ZNF385D: variants seen among roughly 807,000 people sequenced by gnomAD.
ZNF385D encodes zinc finger protein 659.
Under a neutral mutation model 35.8 loss-of-function variants are expected in ZNF385D, and 15 were observed. That is an observed-to-expected ratio of 0.42 (90% CI 0.28 to 0.64). The LOEUF (loss-of-function observed/expected upper bound fraction) is 0.64. ZNF385D is among the 30% of genes least tolerant of loss of function. The pLI is 0.23. For synonymous variants in ZNF385D, 212 were observed against 186.8 expected, an observed-to-expected ratio of 1.13 and a Z score of -1.10; for missense variants, 474 against 494.6, an observed-to-expected ratio of 0.96 and a Z score of 0.39.
chr3:21,649,730 G>C (rs1357973699), intron 2 of ZNF385D, among the ~76,000 whole-genome samples: 1 of 152,060 alleles, frequency 6.6e-6, no homozygotes, highest in Non-Finnish European at 1.5e-5. Context: ...CAAAAGGATA[G>C]GCTAGAATTT....
At chr3:21,639,316 G>A (rs1247742801) in intron 2 of ZNF385D, among the ~76,000 whole-genome samples, 1 of 151,966 alleles carries the variant, frequency 6.6e-6, no homozygotes, top group Admixed American at 6.6e-5. Context: ...AAGCAAGAAT[G>A]TTTGTGTTTT....
At chr3:21,851,087 C>G (rs78494946) in intron 3 of ZNF385D, among the ~76,000 whole-genome samples, 5,836 of 142,872 alleles carry the variant, frequency 0.041, 387 homozygotes, top group African/African-American at 0.14. Flanking sequence ...AATATTATTA[C>G]CATGTTTAAA....
intron 2 of ZNF385D, among the ~76,000 whole-genome samples, chr3:21,581,170 T>C (rs2063649386): frequency 6.6e-6 from 1 of 152,190 alleles, no homozygotes; most frequent in African/African-American, 2.4e-5. Flanking sequence ...GCCCCAGACA[T>C]TTTGCTGCAA....
intron 1 of ZNF385D, among the ~76,000 whole-genome samples, chr3:21,737,086 C>A (rs899666566): frequency 3.9e-5 from 6 of 152,124 alleles, no homozygotes; most frequent in African/African-American, 1.2e-4. Flanking sequence ...ATAACAGGCG[C>A]TTGCCACCAC....
intron 3 of ZNF385D, among the ~76,000 whole-genome samples, chr3:22,017,641 G>A (rs975462998): frequency 6.6e-6 from 1 of 151,548 alleles, no homozygotes; most frequent in Non-Finnish European, 1.5e-5. Flanking sequence ...ATAAATAAAT[G>A]TATTCATCAT....
chr3:22,191,918 A>AT (rs35585720), intron 2 of ZNF385D, among the ~76,000 whole-genome samples: 94,403 of 151,974 alleles, frequency 0.62, 31,460 homozygotes, highest in African/African-American at 0.87. Flanking sequence ...CTATAAAAAA[A>AT]CAATGGTAAT....
chr3:21,900,160 A>C (rs1699327759), intron 3 of ZNF385D, among the ~76,000 whole-genome samples: 1 of 152,196 alleles, frequency 6.6e-6, no homozygotes, highest in Non-Finnish European at 1.5e-5. Context: ...AACAACCATG[A>C]GATACTTTCT....
chr3:21,886,293 A>G (rs1318648646), intron 3 of ZNF385D, among the ~76,000 whole-genome samples: 1 of 151,960 alleles, frequency 6.6e-6, no homozygotes, highest in Non-Finnish European at 1.5e-5. Context: ...CATAGTATAG[A>G]TGTGTCTTGT....
intron 2 of ZNF385D, among the ~76,000 whole-genome samples, chr3:22,334,464 G>T (rs1367474237): frequency 1.3e-5 from 2 of 151,998 alleles, no homozygotes; most frequent in East Asian, 3.9e-4. Context: ...TTAATTAAAT[G>T]TACCCACACT....
intron 3 of ZNF385D, among the ~76,000 whole-genome samples, chr3:21,866,827 G>A (rs1280941619): frequency 1.3e-5 from 2 of 152,128 alleles, no homozygotes; most frequent in African/African-American, 4.8e-5. Context: ...TCATCAGGTA[G>A]TGATTAAAAT....
At chr3:21,517,502 T>C (rs1352887163) in intron 3 of ZNF385D, among the ~76,000 whole-genome samples, 1 of 152,200 alleles carries the variant, frequency 6.6e-6, no homozygotes, top group African/African-American at 2.4e-5. Flanking sequence ...TTTTTTCTTA[T>C]TACTGTCTGT....
intron 2 of ZNF385D, among the ~76,000 whole-genome samples, chr3:22,208,130 C>T (rs1697276085): frequency 6.6e-6 from 1 of 151,898 alleles, no homozygotes; most frequent in African/African-American, 2.4e-5. Context: ...TATAAAATAA[C>T]ATGCTGCTCA....
At chr3:21,745,654 A>G (rs2069733213) in intron 1 of ZNF385D, among the ~76,000 whole-genome samples, 1 of 152,208 alleles carries the variant, frequency 6.6e-6, no homozygotes, top group African/African-American at 2.4e-5. Context: ...ATGATATGTA[A>G]TGGCTTCTCT....
chr3:21,891,445 GTTGGTT>G (rs1389548506), intron 3 of ZNF385D, among the ~76,000 whole-genome samples: 2 of 152,108 alleles, frequency 1.3e-5, no homozygotes, highest in Admixed American at 1.3e-4. Flanking sequence ...CCCTTATCCT[GTTGGTT>G]TTCTGAATGG....
chr3:22,121,552 T>C (rs1173996915), intron 3 of ZNF385D, among the ~76,000 whole-genome samples: 4 of 152,140 alleles, frequency 2.6e-5, no homozygotes, highest in Non-Finnish European at 5.9e-5. Context: ...GAAGGATGAC[T>C]AGCGTGCACA....
At chr3:21,627,786 T>G (rs2065175778) in intron 2 of ZNF385D, among the ~76,000 whole-genome samples, 1 of 151,964 alleles carries the variant, frequency 6.6e-6, no homozygotes, top group African/African-American at 2.4e-5. Flanking sequence ...TGGAAGGAAA[T>G]TTTCTATTAA....
intron 3 of ZNF385D, among the ~76,000 whole-genome samples, chr3:21,541,254 A>G (rs1289661576): frequency 2.0e-5 from 3 of 152,212 alleles, no homozygotes; most frequent in Admixed American, 1.3e-4. Flanking sequence ...ACCAATCACC[A>G]TAAGAAACTT....
chr3:21,668,366 T>C (rs2066467883), intron 1 of ZNF385D, among the ~76,000 whole-genome samples: 1 of 152,258 alleles, frequency 6.6e-6, no homozygotes, highest in East Asian at 1.9e-4. Context: ...TCATGGCATC[T>C]AGGGTAGGCT....
intron 3 of ZNF385D, among the ~76,000 whole-genome samples, chr3:22,138,066 G>A (rs550690682): frequency 2.3e-4 from 35 of 152,238 alleles, no homozygotes; most frequent in South Asian, 1.5e-3. Context: ...CCCATTCACA[G>A]TTGCTTCAAA....
Sources: gnomAD v4.1 joint callset for allele counts (sites outside exome capture counted in the v4.1 genomes callset) on GRCh38, gnomAD v4.1.1 for gene constraint, MANE v1.5 for transcripts, NCBI Gene and HGNC (gene_info 2026-07-23, HGNC 2026-07-21) for gene names.